FAT3: variants seen among roughly 807,000 people sequenced by gnomAD.
FAT3 encodes the protein FAT atypical cadherin 3, also known as protocadherin Fat 3.
Under a neutral mutation model 310.2 loss-of-function variants are expected in FAT3, and 95 were observed. The ratio of observed to expected loss-of-function variants is 0.31; its 90% confidence interval spans 0.26 to 0.36. The LOEUF is 0.36. Among genes scored for constraint, FAT3 ranks in the 10% least tolerant of loss-of-function variants. FAT3 has a pLI of 1.00. For synonymous variants in FAT3, 2,314 were observed against 2,192.9 expected (o/e 1.06, Z -1.54); for missense variants, 5,408 against 5,715.6 (o/e 0.95, Z 1.74).
chr11:92,851,969 C>A (rs1044184287), intron 19 of FAT3, among the ~76,000 whole-genome samples: 2 of 152,116 alleles, frequency 1.3e-5, no homozygotes, highest in Non-Finnish European at 2.9e-5. Context: ...AAGGAGATGA[C>A]AGAAACATGT....
chr11:92,704,302 G>A (rs61901901), intron 4 of FAT3, among the ~76,000 whole-genome samples: 4,291 of 152,204 alleles, frequency 0.028, 105 homozygotes, highest in Non-Finnish European at 0.041. Context: ...CTCTGCTGCT[G>A]GGCTGTGCCC....
intron 2 of FAT3, among the ~76,000 whole-genome samples, chr11:92,471,903 A>C (rs969661307): frequency 1.5e-5 from 2 of 137,812 alleles, no homozygotes; most frequent in African/African-American, 5.4e-5. Flanking sequence ...AAAAGACCCT[A>C]CTTTTCATAT....
At chr11:92,501,213 A>T (rs1412087136) in intron 2 of FAT3, among the ~76,000 whole-genome samples, 2 of 151,986 alleles carry the variant, frequency 1.3e-5, no homozygotes, top group African/African-American at 4.8e-5. Context: ...AGCTGGGGGT[A>T]TTTCTCATGT....
chr11:92,374,059 A>AGAGAGAGAGAC (rs1555026645), intron 2 of FAT3, among the ~76,000 whole-genome samples: 1 of 89,742 alleles, frequency 1.1e-5, no homozygotes, highest in African/African-American at 6.6e-5. Flanking sequence ...GAGAGAGAGA[A>AGAGAGAGAGAC]TTTGCTTTCC....
At chr11:92,851,280 T>C (rs992565881) in intron 19 of FAT3, among the ~76,000 whole-genome samples, 1 of 152,180 alleles carries the variant, frequency 6.6e-6, no homozygotes, top group Non-Finnish European at 1.5e-5. Flanking sequence ...GTCAAATTAG[T>C]GTTTCTGGTT....
At chr11:92,764,535 C>CA (rs1275808159) in intron 5 of FAT3, among the ~76,000 whole-genome samples, 1 of 152,170 alleles carries the variant, frequency 6.6e-6, no homozygotes, top group Non-Finnish European at 1.5e-5. Context: ...GGCTTAGGAT[C>CA]ATGCTCTCAG....
intron 22 of FAT3, among the ~76,000 whole-genome samples, chr11:92,879,289 T>G (rs1344513196): frequency 1.3e-5 from 2 of 151,782 alleles, no homozygotes; most frequent in South Asian, 2.1e-4. Flanking sequence ...AACCAAGAAA[T>G]AGGCAGACAG....
At chr11:92,755,802 T>C (rs1404636105) in intron 4 of FAT3, among the ~76,000 whole-genome samples, 1 of 152,182 alleles carries the variant, frequency 6.6e-6, no homozygotes, top group African/African-American at 2.4e-5. Flanking sequence ...GTCCCAGATA[T>C]TACAGAGGAT....
intron 1 of FAT3, among the ~76,000 whole-genome samples, chr11:92,343,045 G>A (rs1341208905): frequency 6.6e-6 from 1 of 152,170 alleles, no homozygotes; most frequent in Non-Finnish European, 1.5e-5. Context: ...ATTAACCAGT[G>A]TTGTATGGAA....
At chr11:92,662,736 A>G (rs1219723250) in intron 3 of FAT3, among the ~76,000 whole-genome samples, 1 of 152,192 alleles carries the variant, frequency 6.6e-6, no homozygotes, top group Non-Finnish European at 1.5e-5. Context: ...GGAAGGTCTA[A>G]TCTTTGCAAT....
intron 2 of FAT3, among the ~76,000 whole-genome samples, chr11:92,413,260 A>G (rs544884953): frequency 2.6e-5 from 4 of 152,320 alleles, no homozygotes; most frequent in Non-Finnish European, 5.9e-5. Flanking sequence ...CAGGCCAGAC[A>G]AGTGGGGCCC....
chr11:92,421,442 G>C (rs1488797204), intron 2 of FAT3, among the ~76,000 whole-genome samples: 1 of 152,108 alleles, frequency 6.6e-6, no homozygotes, highest in Non-Finnish European at 1.5e-5. Flanking sequence ...GTCTGTTTGT[G>C]CAGTGATCTA....
At chr11:92,502,358 C>G (rs1684362229) in intron 2 of FAT3, among the ~76,000 whole-genome samples, 1 of 152,040 alleles carries the variant, frequency 6.6e-6, no homozygotes, top group Non-Finnish European at 1.5e-5. Context: ...TGAACCAGTT[C>G]TCAGAATCTA....
At chr11:92,624,753 C>T (rs1941246548) in intron 3 of FAT3, among the ~76,000 whole-genome samples, 1 of 152,152 alleles carries the variant, frequency 6.6e-6, no homozygotes, top group African/African-American at 2.4e-5. Flanking sequence ...ACAAAAAGCA[C>T]CACAAACTGA....
intron 3 of FAT3, among the ~76,000 whole-genome samples, chr11:92,530,823 T>C (rs1954041232): frequency 6.6e-6 from 1 of 151,960 alleles, no homozygotes; most frequent in South Asian, 2.1e-4. Flanking sequence ...TTCCATGTGG[T>C]GGTAATCTGC....
Position 92,809,944 on chromosome 11 carries a change from A to G in FAT3, c.9349A>G (p.Ile3117Val), listed in dbSNP as rs765773006. ...DGGGRFCQSN[I>V]HLILEDVNDN... is the part of the protein sequence containing the mutation. Reference sequence around the variant, plus strand: ...GGGTGGCAGGTTCTGCCAGTCCAACATCCACCTAATCCTGGAGGATGTGAA... The same window carrying G: ...GGGTGGCAGGTTCTGCCAGTCCAACGTCCACCTAATCCTGGAGGATGTGAA... Residue 3117 changes from isoleucine to valine, a missense_variant, in exon 13 of 28, where the codon ATC (isoleucine) becomes GTC (valine). By Grantham distance (29) the Ile-to-Val change is conservative. Coordinates refer to ENST00000525166, the MANE Select transcript of FAT3 (RefSeq NM_001367949.2). The G allele has an allele frequency of 7.4e-6, 12 of 1,614,000 alleles. No individual in the cohort carries two copies. The East Asian group carries it at 2.7e-4, about 36-fold the overall frequency.
chr11:92,735,557 C>CACAGATAGATAG (rs1945317037), intron 4 of FAT3, among the ~76,000 whole-genome samples: 1 of 148,738 alleles, frequency 6.7e-6, no homozygotes, highest in South Asian at 2.2e-4. Context: ...GATGGATGAG[C>CACAGATAGATAG]ATAGATAGAT....
At position 92,774,182 on chromosome 11, in the gene FAT3, T is replaced by G; in HGVS notation, c.4335+2T>G. On this transcript the variant is annotated splice_donor_variant, in intron 7 of 27. Transcript: ENST00000525166. LOFTEE classifies it high-confidence loss of function. ...GGGACAAATGTTGCTGTTACTCAGG[T>G]GAGATGTTAAATTACTGAATAGCAG... 1 of 1,606,084 alleles carries G rather than the reference T, an allele frequency of 6.2e-7. No homozygotes were observed. Among genetic ancestry groups the G allele is most frequent in the Non-Finnish European group, 8.5e-7 (1 of 1,176,874 alleles).
intron 2 of FAT3, among the ~76,000 whole-genome samples, chr11:92,407,565 G>A (rs1032929897): frequency 6.6e-6 from 1 of 152,092 alleles, no homozygotes; most frequent in Admixed American, 6.6e-5. Context: ...GAGAGGAAAT[G>A]CCCTTGATTA....
Sources: allele counts gnomAD v4.1 joint callset (sites outside exome capture counted in the v4.1 genomes callset), GRCh38; gene constraint gnomAD v4.1.1; transcripts MANE v1.5; gene names NCBI Gene and HGNC (gene_info 2026-07-23, HGNC 2026-07-21).